SDR16C5: variants seen among roughly 807,000 people sequenced by gnomAD.
SDR16C5 encodes the protein short chain dehydrogenase/reductase family 16C member 5.
SDR16C5 carries 20 observed loss-of-function variants against 27.7 expected under a neutral mutation model. That is an observed-to-expected ratio of 0.72 (90% CI 0.51 to 1.05). SDR16C5 has a LOEUF of 1.05. Among genes scored for constraint, SDR16C5 ranks in the 50% least tolerant of loss-of-function variants. The pLI, the probability that SDR16C5 is intolerant of heterozygous loss-of-function variation, is 0.00. For synonymous variants in SDR16C5, 139 were observed against 132.3 expected, an observed-to-expected ratio of 1.05 and a Z score of -0.35; for missense variants, 374 against 366.3, an observed-to-expected ratio of 1.02 and a Z score of -0.17.
At chr8:56,308,862 C>T in intron 4 of SDR16C5, 66 bp downstream of exon 4, 1 of 1,077,208 alleles carries the variant, frequency 9.3e-7, no homozygotes. Context: ...GCTAATTATT[C>T]AGAGCTATTG....
chr8:56,301,640 G>A lies in SDR16C5; in HGVS notation c.837-67C>T, dbSNP rs1814757940. On this transcript the variant is annotated intron_variant, in intron 6 of 6. Transcript: ENST00000303749. ...TGAAAGCCTCTTTACCACCTCTACT[G>A]AAAAGCAGTGTCACCTCTTGTGGCA... 7 of 1,142,422 alleles carry A rather than the reference G, an allele frequency of 6.1e-6. No individual in the cohort carries two copies. The South Asian group carries it at 8.7e-5, about 14-fold the overall frequency. The allele number at this position is 1,142,422 out of a possible 1,614,324, so 70.8% of individuals were successfully genotyped here. A position where few individuals can be genotyped will look rare whatever the true frequency, so the allele number is the denominator to read the frequency against.
intron 5 of SDR16C5, 74 bp downstream of exon 5, chr8:56,306,602 A>T: frequency 1.2e-5 from 16 of 1,315,738 alleles, no homozygotes; most frequent in Non-Finnish European, 1.7e-5. Context: ...TAAACAACTT[A>T]AAAAAAAGAA....
chr8:56,313,573 T>G (rs1328940138), intron 2 of SDR16C5, among the ~76,000 whole-genome samples: 3 of 152,226 alleles, frequency 2.0e-5, no homozygotes. Context: ...TATTTGTGTA[T>G]CTAATCATAG....
intron 6 of SDR16C5, among the ~76,000 whole-genome samples, chr8:56,302,460 G>T (rs1346148347): frequency 6.6e-6 from 1 of 151,614 alleles, no homozygotes; most frequent in African/African-American, 2.4e-5. Flanking sequence ...AGATCACAAG[G>T]TCAGGAGTTT....
chr8:56,304,559 C>T (rs1048609269), intron 6 of SDR16C5, among the ~76,000 whole-genome samples: 1 of 151,048 alleles, frequency 6.6e-6, no homozygotes, highest in Non-Finnish European at 1.5e-5. Context: ...TTTTTTGAGA[C>T]GGAGTTTTTG....
chr8:56,316,788 G>A (rs752117386), intron 1 of SDR16C5, among the ~76,000 whole-genome samples: 3 of 152,030 alleles, frequency 2.0e-5, no homozygotes, highest in Non-Finnish European at 2.9e-5. Flanking sequence ...TACCTCTCTG[G>A]CTTTATGTTT....
At chr8:56,308,838 G>A (rs1585912049) in intron 4 of SDR16C5, 90 bp downstream of exon 4, 6 of 836,194 alleles carry the variant, frequency 7.2e-6, no homozygotes, top group Middle Eastern at 4.6e-4. Context: ...TTTATCTTAG[G>A]GCATCAAGTC....
chr8:56,310,259 GGAAGGAGGAGGAGGAGGAA>G (rs1815004713), intron 3 of SDR16C5, among the ~76,000 whole-genome samples: 1 of 2,940 alleles, frequency 3.4e-4, no homozygotes, highest in Admixed American at 5.2e-3. Flanking sequence ...AGGAGGAGGA[GGAAGGAGGAGGAGGAGGAA>G]GGAGGAGGAG....
At chr8:56,313,525 A>G (rs943046055) in intron 2 of SDR16C5, among the ~76,000 whole-genome samples, 10 of 152,298 alleles carry the variant, frequency 6.6e-5, no homozygotes, top group African/African-American at 2.4e-4. Context: ...GTGTTACTAT[A>G]CTGAACACTG....
intron 2 of SDR16C5, among the ~76,000 whole-genome samples, chr8:56,313,179 T>C (rs1815092613): frequency 6.6e-6 from 1 of 152,256 alleles, no homozygotes; most frequent in African/African-American, 2.4e-5. Flanking sequence ...GTTCTTCTAC[T>C]CAGTGGTTAG....
chr8:56,304,100 T>C (rs1814825487), intron 6 of SDR16C5: 1 of 701,982 alleles, frequency 1.4e-6, no homozygotes, highest in Non-Finnish European at 2.6e-6. Flanking sequence ...AAAATGATAG[T>C]ATGCAAGAAT....
At chr8:56,313,437 A>C (rs892987588) in intron 2 of SDR16C5, among the ~76,000 whole-genome samples, 2 of 152,218 alleles carry the variant, frequency 1.3e-5, no homozygotes, top group African/African-American at 4.8e-5. Context: ...TGTACTTAAT[A>C]AACCTAGATG....
chr8:56,308,116 T>C (rs1221910368), intron 4 of SDR16C5, among the ~76,000 whole-genome samples: 2 of 152,200 alleles, frequency 1.3e-5, no homozygotes, highest in South Asian at 2.1e-4. Context: ...AACCTATTCA[T>C]GTAATAGATA....
chr8:56,305,930 GATT>G (rs1334937632), intron 5 of SDR16C5, among the ~76,000 whole-genome samples: 3 of 152,098 alleles, frequency 2.0e-5, no homozygotes, highest in Admixed American at 1.3e-4. Context: ...AATGAAAAAT[GATT>G]ATTAATACAC....
intron 3 of SDR16C5, 94 bp downstream of exon 3, chr8:56,312,063 C>A: frequency 9.1e-7 from 1 of 1,103,854 alleles, no homozygotes; most frequent in Non-Finnish European, 1.3e-6. Context: ...CTCTGCTTTA[C>A]TTAGAGGCTA....
intron 2 of SDR16C5, among the ~76,000 whole-genome samples, chr8:56,315,043 G>A (rs1014598973): frequency 1.1e-4 from 17 of 152,052 alleles, no homozygotes; most frequent in African/African-American, 3.6e-4. Context: ...TCGGGAGTTC[G>A]ACCAGCCTGA....
intron 3 of SDR16C5, among the ~76,000 whole-genome samples, chr8:56,311,188 C>T (rs562221673): frequency 2.6e-5 from 4 of 152,234 alleles, no homozygotes; most frequent in South Asian, 2.1e-4. Flanking sequence ...CCAAGGCAGG[C>T]GGAACACTTG....
intron 1 of SDR16C5, among the ~76,000 whole-genome samples, chr8:56,319,101 G>T (rs1445529167): frequency 7.0e-6 from 1 of 142,706 alleles, no homozygotes; most frequent in Non-Finnish European, 1.5e-5. Flanking sequence ...CTACTAGCTT[G>T]TGTGAAACCT....
chr8:56,303,960 A>G, intron 6 of SDR16C5: 1 of 702,914 alleles, frequency 1.4e-6, no homozygotes, highest in Admixed American at 2.0e-5. Context: ...GGGCACGCTC[A>G]GAGTCACAGA....
Sources: allele counts gnomAD v4.1 joint callset (sites outside exome capture counted in the v4.1 genomes callset), GRCh38; gene constraint gnomAD v4.1.1; transcripts MANE v1.5; gene names NCBI Gene and HGNC (gene_info 2026-07-23, HGNC 2026-07-21).